The following MEGF6 variants were observed in gnomAD, a reference collection of about 807,000 sequenced individuals.
MEGF6 encodes multiple epidermal growth factor-like domains protein 6.
MEGF6 carries 184 observed loss-of-function variants against 207.1 expected under a neutral mutation model. The observed-to-expected ratio is 0.89, with a 90% confidence interval of 0.79 to 1.00. The LOEUF is 1.00. Ranked by LOEUF, MEGF6 falls within the 50% of genes least tolerant of loss-of-function variation. MEGF6 has a pLI of 0.00. For synonymous variants in MEGF6, 1,038 were observed against 910.0 expected (o/e 1.14, Z -2.53); for missense variants, 2,282 against 2,202.9 (o/e 1.04, Z -0.72).
intron 4 of MEGF6, among the ~76,000 whole-genome samples, chr1:3,566,072 G>T (rs747515362): frequency 2.6e-5 from 4 of 152,208 alleles, no homozygotes; most frequent in Admixed American, 2.6e-4. Flanking sequence ...CTGGGTAGCA[G>T]ACCCCTGAGG....
chr1:3,514,619 C>G lies in MEGF6; in HGVS notation c.784G>C (p.Val262Leu), dbSNP rs1430695246. 3.2e-6 allele frequency: 5 copies of G among 1,580,120 alleles called. No individual in the cohort carries two copies. Among genetic ancestry groups the G allele is most frequent in the Non-Finnish European group, 4.3e-6 (5 of 1,165,374 alleles). The change falls in exon 7 of 37, where the codon GTC becomes CTC. Residue 262 changes from valine (V) to leucine (L), a missense_variant. Physicochemically the swap from Val to Leu is conservative, Grantham distance 32 (BLOSUM62 1). Coordinates refer to ENST00000356575, the MANE Select transcript of MEGF6 (RefSeq NM_001409.4). ...NGSCMHRCQV[V>L]RGLARCECHV... The stretch of plus-strand genomic sequence containing the variant: ...CACTCACAGCGGGCGAGGCCCCGGA[C>G]CACCTGGCACCTGTGCATGCAGCTG...
intron 4 of MEGF6, among the ~76,000 whole-genome samples, chr1:3,574,382 T>C (rs1187271343): frequency 1.3e-5 from 2 of 152,064 alleles, no homozygotes; most frequent in African/African-American, 4.8e-5. Flanking sequence ...GTCTGGAAAC[T>C]TGTCCGGAAC....
chr1:3,597,902 C>G (rs557223858), intron 2 of MEGF6, among the ~76,000 whole-genome samples: 1 of 152,332 alleles, frequency 6.6e-6, no homozygotes, highest in African/African-American at 2.4e-5. Context: ...GTGGTACCTG[C>G]CCAGGGGTCC....
chr1:3,558,987 C>G (rs1643112579), intron 4 of MEGF6, among the ~76,000 whole-genome samples: 1 of 152,182 alleles, frequency 6.6e-6, no homozygotes, highest in Non-Finnish European at 1.5e-5. Flanking sequence ...GATTGTGCCC[C>G]TGCACTCCAG....
the MEGF6 span, among the ~76,000 whole-genome samples, chr1:3,621,852 T>C: frequency 6.6e-6 from 1 of 152,244 alleles, no homozygotes; most frequent in Non-Finnish European, 1.5e-5. Context: ...AGCTGTAAGA[T>C]ATAATGACTA....
Position 3,493,551 on chromosome 1 carries a change from G to A in MEGF6, c.4387+220C>T, listed in dbSNP as rs553708859. ...TCCTGGGACGTTGTGGGGGCCACAC[G>A]GCAGGGCCTGGCCTAAGGCTCCAGC... is the stretch of plus-strand genomic sequence containing the variant. On this transcript the variant is annotated intron_variant, in intron 34 of 36. Coordinates refer to ENST00000356575, the MANE Select transcript of MEGF6 (RefSeq NM_001409.4). 175 of 628,916 alleles carry A rather than the reference G, an allele frequency of 2.8e-4. 6 individuals are homozygous for A. The highest frequency in any genetic ancestry group is 2.0e-3 in the South Asian group (91 of 46,130). The allele number at this position is 628,916 out of a possible 1,614,324, so 39.0% of individuals were successfully genotyped here. A position where few individuals can be genotyped will look rare whatever the true frequency, so the allele number is the denominator to read the frequency against.
In MEGF6 at chr1:3,505,567, A is replaced by G. The variant is rs778603990; in HGVS notation, c.1919-11T>C. 25 of 1,558,564 alleles carry G rather than the reference A, an allele frequency of 1.6e-5. No individual in the cohort carries two copies. The highest frequency in any genetic ancestry group is 9.3e-5 in the Admixed American group (5 of 53,760). ...CCCACGGCGGGCAGGCTGCACCCAC[A>G]GAACCGTTGAGGGGGGCTCCCGTCT... On this transcript the variant is annotated splice_polypyrimidine_tract_variant and intron_variant, in intron 15 of 36. Transcript: ENST00000356575.
intron 4 of MEGF6, among the ~76,000 whole-genome samples, chr1:3,525,578 A>G (rs1305243971): frequency 1.3e-5 from 2 of 152,198 alleles, no homozygotes; most frequent in Non-Finnish European, 2.9e-5. Context: ...GACGCCTCCC[A>G]TCACAGGACA....
intron 14 of MEGF6, 128 bp downstream of exon 14, chr1:3,507,665 GAA>G: frequency 8.1e-7 from 1 of 1,237,774 alleles, no homozygotes; most frequent in Admixed American, 1.7e-5. Context: ...GGGAGTCTAG[GAA>G]AAGTTTGGTA....
At chr1:3,601,829 G>T (rs1012956554) in intron 2 of MEGF6, among the ~76,000 whole-genome samples, 1 of 152,388 alleles carries the variant, frequency 6.6e-6, no homozygotes, top group African/African-American at 2.4e-5. Context: ...ATGCCCAAGG[G>T]AGCAGCGCAG....
At chr1:3,571,472 T>A (rs1024017950) in intron 4 of MEGF6, among the ~76,000 whole-genome samples, 2 of 150,878 alleles carry the variant, frequency 1.3e-5, no homozygotes, top group Non-Finnish European at 3.0e-5. Context: ...TCCCCAAGGG[T>A]GCTGGGTCCT....
rs1642169271 is a variant in MEGF6, at chr1:3,531,470, G to A, written c.482-7224C>T. 1.2e-5 allele frequency: 13 copies of A among 1,083,928 alleles called. No individual in the cohort carries two copies. The South Asian group carries it at 4.9e-4, about 41-fold the overall frequency. 67.1% of individuals were successfully genotyped at this position (1,083,928 alleles called of 1,614,324 possible). ...TCTCAGCTTTCCCTCCGCCCCGCAG[G>A]TAAAGGCCAAGTCCGCAGACAACCG... On this transcript the variant is annotated intron_variant, in intron 4 of 36. Coordinates refer to ENST00000356575, the MANE Select transcript of MEGF6 (RefSeq NM_001409.4).
At chr1:3,578,974 C>A (rs925542219) in intron 4 of MEGF6, among the ~76,000 whole-genome samples, 3 of 152,266 alleles carry the variant, frequency 2.0e-5, no homozygotes, top group Non-Finnish European at 4.4e-5. Flanking sequence ...TTCCTCGAAT[C>A]GCTTCCTGCT....
Position 3,497,693 on chromosome 1 carries a change from C to T in MEGF6, c.3353-332G>A, listed in dbSNP as rs141528404. The T allele has an allele frequency of 2.1e-3, 1,001 of 484,452 alleles. 10 individuals are homozygous for T. In the East Asian group the frequency reaches 0.023, roughly 11 times the overall value. 30.0% of individuals were successfully genotyped at this position (484,452 alleles called of 1,614,324 possible). A position where few individuals can be genotyped will look rare whatever the true frequency, so the allele number is the denominator to read the frequency against. Reference sequence around the variant, plus strand: ...CCCGCCCCATGGAAGGCGAAGGAGCCGGGAGACAGCAGCCGGGGCTCAGCA... The same window carrying T: ...CCCGCCCCATGGAAGGCGAAGGAGCTGGGAGACAGCAGCCGGGGCTCAGCA... On this transcript the variant is annotated intron_variant, in intron 26 of 36. Coordinates refer to ENST00000356575, the MANE Select transcript of MEGF6 (RefSeq NM_001409.4).
chr1:3,566,667 G>C (rs188155072), intron 4 of MEGF6, among the ~76,000 whole-genome samples: 20 of 152,310 alleles, frequency 1.3e-4, no homozygotes, highest in African/African-American at 4.8e-4. Context: ...TGAGCCCCCC[G>C]GCGCCCCATC....
At chr1:3,551,545 A>T (rs1264676837) in intron 4 of MEGF6, among the ~76,000 whole-genome samples, 1 of 152,124 alleles carries the variant, frequency 6.6e-6, no homozygotes, top group Non-Finnish European at 1.5e-5. Context: ...CCCTGGCCAG[A>T]CACAAGGTCA....
At chr1:3,520,417 T>C (rs1641700451) in intron 5 of MEGF6, among the ~76,000 whole-genome samples, 1 of 152,104 alleles carries the variant, frequency 6.6e-6, no homozygotes, top group Admixed American at 6.5e-5. Context: ...CCCCAGACAC[T>C]CGGGCCAGAC....
In MEGF6 at chr1:3,590,798, C is replaced by T. The variant is rs1440375916; in HGVS notation, c.376+4540G>A. ...GGGCAAAGGGTGAGAAAAGAGAGGG[C>T]AGAGACAGAGCCAAGCCCTGACCCA... is the stretch of plus-strand genomic sequence containing the variant. On this transcript the variant is annotated intron_variant, in intron 3 of 36. Transcript: ENST00000356575. Among the ~76,000 whole-genome samples, 3 of 147,318 alleles carry T rather than the reference C, an allele frequency of 2.0e-5. No individual in the cohort carries two copies. In the East Asian group the frequency reaches 6.9e-4, roughly 34 times the overall value.
chr1:3,490,945 G>A lies in MEGF6; in HGVS notation c.4531C>T (p.Leu1511Phe). The A allele has an allele frequency of 6.2e-7, 1 of 1,601,066 alleles. No homozygotes were observed. The highest frequency in any genetic ancestry group is 8.5e-7 in the Non-Finnish European group (1 of 1,175,928). The change falls in exon 36 of 37, where the codon CTC becomes TTC. Residue 1511 changes from leucine (L) to phenylalanine (F), a missense_variant. By Grantham distance (22) the Leu-to-Phe change is conservative. Transcript: ENST00000356575. ...TGGGCTAAGGACGGGTTCTCGGGGA[G>A]CCGGAGGGGCCCACCTGGAGGGGAG... ...PTCREGGPLR[L>F]PENPSLAQGS...
Sources: allele counts gnomAD v4.1 joint callset (sites outside exome capture counted in the v4.1 genomes callset), GRCh38; gene constraint gnomAD v4.1.1; transcripts MANE v1.5; gene names NCBI Gene and HGNC (gene_info 2026-07-23, HGNC 2026-07-21).